CACNA2D3: variants seen among roughly 807,000 people sequenced by gnomAD.
CACNA2D3 encodes the protein voltage-dependent calcium channel subunit alpha-2/delta-3.
CACNA2D3 carries 60 observed loss-of-function variants against 160.6 expected under a neutral mutation model. The ratio of observed to expected loss-of-function variants is 0.37; its 90% CI spans 0.30 to 0.46. CACNA2D3 has a LOEUF of 0.46. Among genes scored for constraint, CACNA2D3 ranks in the 20% least tolerant of loss-of-function variants. CACNA2D3 has a pLI of 1.00. For missense variants in CACNA2D3, 1,205 were observed against 1,365.0 expected, an observed-to-expected ratio of 0.88 and a Z score of 1.85; for synonymous variants, 558 against 492.9, an observed-to-expected ratio of 1.13 and a Z score of -1.75.
rs1698551700 is a variant in CACNA2D3, at chr3:54,350,992, T to TTG, written c.321+30435_321+30436insGT. Among the ~76,000 whole-genome samples, 5 of 110,978 alleles carry TTG rather than the reference T, an allele frequency of 4.5e-5. 1 individual carries two copies. The highest frequency in any genetic ancestry group is 4.9e-4 in the East Asian group (2 of 4,046). The allele number at this position is 110,978 out of a possible 152,430, so 72.8% of individuals were successfully genotyped here. On this transcript the variant is annotated intron_variant, in intron 3 of 37. Transcript: ENST00000474759. ...TGTTTTTTTTTTTTTGTTTGTTTTT[T>TTG]TTTTTTTTTTTTTTGAGACAGAGTC...
intron 24 of CACNA2D3, among the ~76,000 whole-genome samples, chr3:54,889,416 G>A (rs1700003318): frequency 1.3e-5 from 2 of 152,322 alleles, no homozygotes; most frequent in South Asian, 4.1e-4. Context: ...GGCACAGAGA[G>A]AAGAGGTCCA....
At chr3:54,231,947 C>T (rs1215680520) in intron 2 of CACNA2D3, among the ~76,000 whole-genome samples, 1 of 152,182 alleles carries the variant, frequency 6.6e-6, no homozygotes, top group Non-Finnish European at 1.5e-5. Context: ...GGCGCAGCTG[C>T]CGTTGCTTGT....
At chr3:54,535,088 G>A (rs543135193) in intron 5 of CACNA2D3, among the ~76,000 whole-genome samples, 1 of 152,274 alleles carries the variant, frequency 6.6e-6, no homozygotes, top group South Asian at 2.1e-4. Context: ...ATGGGGGAAG[G>A]GCTTTGGTTC....
chr3:54,559,380 C>T (rs1192513269), intron 5 of CACNA2D3, among the ~76,000 whole-genome samples: 1 of 152,124 alleles, frequency 6.6e-6, no homozygotes, highest in African/African-American at 2.4e-5. Flanking sequence ...TCAACCTCCG[C>T]CTCCCAGGTT....
At chr3:54,792,705 A>G (rs1324202110) in intron 13 of CACNA2D3, among the ~76,000 whole-genome samples, 1 of 152,118 alleles carries the variant, frequency 6.6e-6, no homozygotes, top group East Asian at 1.9e-4. Context: ...TCATGGTTCC[A>G]GCTAAAGCCC....
chr3:54,532,028 A>G (rs1399795617), intron 5 of CACNA2D3, among the ~76,000 whole-genome samples: 1 of 152,114 alleles, frequency 6.6e-6, no homozygotes, highest in East Asian at 1.9e-4. Flanking sequence ...ATCACTTGCC[A>G]TCAAGTCTCC....
chr3:55,031,292 C>T (rs1703684677), intron 35 of CACNA2D3, among the ~76,000 whole-genome samples: 1 of 152,088 alleles, frequency 6.6e-6, no homozygotes, highest in African/African-American at 2.4e-5. Flanking sequence ...CAATACTGCA[C>T]CTGAAGTGGC....
chr3:54,574,648 A>AT (rs1440395302), intron 8 of CACNA2D3, among the ~76,000 whole-genome samples: 1 of 152,190 alleles, frequency 6.6e-6, no homozygotes, highest in African/African-American at 2.4e-5. Context: ...GAAAAGGCAT[A>AT]TTTTTCTGAT....
chr3:54,178,280 T>C (rs1700713144), intron 2 of CACNA2D3, among the ~76,000 whole-genome samples: 1 of 152,236 alleles, frequency 6.6e-6, no homozygotes, highest in Non-Finnish European at 1.5e-5. Context: ...TTTTGTCTTT[T>C]AGAGTTGGCT....
intron 11 of CACNA2D3, among the ~76,000 whole-genome samples, chr3:54,708,165 T>G (rs1364400854): frequency 6.6e-6 from 1 of 152,172 alleles, no homozygotes; most frequent in Non-Finnish European, 1.5e-5. Flanking sequence ...AAAGAACATA[T>G]AAAACCATCC....
chr3:54,216,422 G>A (rs1701464775), intron 2 of CACNA2D3, among the ~76,000 whole-genome samples: 1 of 152,194 alleles, frequency 6.6e-6, no homozygotes, highest in Non-Finnish European at 1.5e-5. Context: ...TTGCATACTG[G>A]TTGAAATCTG....
intron 4 of CACNA2D3, among the ~76,000 whole-genome samples, chr3:54,497,236 G>A (rs867032461): frequency 6.1e-4 from 93 of 151,746 alleles, no homozygotes; most frequent in African/African-American, 2.1e-3. Context: ...CAATTTTTGA[G>A]CAAGCTATCT....
At chr3:54,989,779 T>C (rs766612267) in intron 31 of CACNA2D3, among the ~76,000 whole-genome samples, 33 of 152,204 alleles carry the variant, frequency 2.2e-4, no homozygotes, top group Admixed American at 6.5e-5. Context: ...CTTTGTTCTG[T>C]CTTGAATTTG....
At chr3:54,681,934 C>G (rs1037385810) in intron 11 of CACNA2D3, among the ~76,000 whole-genome samples, 2 of 152,070 alleles carry the variant, frequency 1.3e-5, no homozygotes, top group Admixed American at 6.6e-5. Flanking sequence ...CCGCCTGCCT[C>G]CACCTCTCAA....
chr3:54,492,650 G>A (rs1220149015), intron 4 of CACNA2D3, among the ~76,000 whole-genome samples: 4 of 152,226 alleles, frequency 2.6e-5, no homozygotes, highest in Admixed American at 6.5e-5. Flanking sequence ...GCACGAGGAC[G>A]TGCTCCATGT....
chr3:54,977,581 A>T (rs777471959), intron 29 of CACNA2D3, among the ~76,000 whole-genome samples: 24 of 152,206 alleles, frequency 1.6e-4, no homozygotes, highest in African/African-American at 5.8e-4. Context: ...AGTAGAGGTT[A>T]TGATGATTTG....
At chr3:54,700,099 C>CT (rs1021168437) in intron 11 of CACNA2D3, among the ~76,000 whole-genome samples, 1 of 152,168 alleles carries the variant, frequency 6.6e-6, no homozygotes, top group African/African-American at 2.4e-5. Flanking sequence ...TAGCCCCTGG[C>CT]TAAGAAGAAG....
chr3:54,774,629 A>ATTTTTTT (rs111655457), intron 13 of CACNA2D3, among the ~76,000 whole-genome samples: 7 of 107,916 alleles, frequency 6.5e-5, no homozygotes, highest in African/African-American at 7.6e-5. Flanking sequence ...CTCTTTGACT[A>ATTTTTTT]TTTTTTTTTT....
intron 4 of CACNA2D3, among the ~76,000 whole-genome samples, chr3:54,419,112 A>G (rs1699799748): frequency 6.6e-6 from 1 of 152,248 alleles, no homozygotes. Flanking sequence ...AGGAAAAGTG[A>G]CAATGCCGCC....
Sources: gnomAD v4.1 joint callset for allele counts (sites outside exome capture counted in the v4.1 genomes callset) on GRCh38, gnomAD v4.1.1 for gene constraint, MANE v1.5 for transcripts, NCBI Gene and HGNC (gene_info 2026-07-23, HGNC 2026-07-21) for gene names.